Variants in MECOM observed in about 807,000 individuals in gnomAD.
MECOM encodes MDS1 and EVI1 complex locus.
Under a neutral mutation model 116.3 loss-of-function variants are expected in MECOM, and 13 were observed. That is an observed-to-expected ratio of 0.11 (90% CI 0.07 to 0.18). The LOEUF is 0.18. Ranked by LOEUF, MECOM falls within the 10% of genes least tolerant of loss-of-function variation. The probability of loss-of-function intolerance (pLI) is 1.00; values close to 1 mark genes in which losing one functional copy is unlikely to be tolerated. For synonymous variants in MECOM, 528 were observed against 535.2 expected (o/e 0.99, Z 0.19); for missense variants, 1,299 against 1,509.0 (o/e 0.86, Z 2.31).
At chr3:169,414,450 A>T (rs1309966347) in intron 1 of MECOM, among the ~76,000 whole-genome samples, 2 of 152,254 alleles carry the variant, frequency 1.3e-5, no homozygotes, top group African/African-American at 4.8e-5. Flanking sequence ...AAAGGCTGAT[A>T]ATTCCAAAAA....
chr3:169,502,767 A>G (rs1157937246), intron 1 of MECOM, among the ~76,000 whole-genome samples: 4 of 152,194 alleles, frequency 2.6e-5, no homozygotes, highest in Admixed American at 6.5e-5. Flanking sequence ...AGAATAATTT[A>G]ATTTTGGATA....
chr3:169,582,424 G>A (rs1576986273), intron 1 of MECOM, among the ~76,000 whole-genome samples: 1 of 151,876 alleles, frequency 6.6e-6, no homozygotes, highest in East Asian at 1.9e-4. Context: ...AGGGAGATGG[G>A]GAAAAACGGG....
chr3:169,270,537 T>C (rs929382464), intron 2 of MECOM, among the ~76,000 whole-genome samples: 1 of 152,116 alleles, frequency 6.6e-6, no homozygotes, highest in Non-Finnish European at 1.5e-5. Flanking sequence ...TGAAAACTGT[T>C]ATAACCCTTT....
At chr3:169,367,233 A>G (rs1729330968) in intron 2 of MECOM, among the ~76,000 whole-genome samples, 1 of 152,116 alleles carries the variant, frequency 6.6e-6, no homozygotes, top group East Asian at 1.9e-4. Flanking sequence ...TGAGATACTG[A>G]AAGACTAAGA....
At chr3:169,378,566 GA>G in intron 2 of MECOM, among the ~76,000 whole-genome samples, 1 of 136,532 alleles carries the variant, frequency 7.3e-6, no homozygotes, top group South Asian at 2.3e-4. Context: ...AAGAAAGAAA[GA>G]AAGAAAGAAA....
intron 1 of MECOM, among the ~76,000 whole-genome samples, chr3:169,497,010 T>C (rs1753891267): frequency 6.6e-6 from 1 of 152,218 alleles, no homozygotes; most frequent in Non-Finnish European, 1.5e-5. Flanking sequence ...TCTTCCCTCT[T>C]TATTGCTACC....
chr3:169,551,597 G>C (rs919509372), intron 1 of MECOM, among the ~76,000 whole-genome samples: 1 of 152,122 alleles, frequency 6.6e-6, no homozygotes, highest in Admixed American at 6.5e-5. Context: ...TTCAAATATT[G>C]TACCTTAAAT....
At chr3:169,478,488 T>C (rs9290367) in intron 1 of MECOM, among the ~76,000 whole-genome samples, 136,553 of 152,132 alleles carry the variant, frequency 0.9, 61,322 homozygotes, top group East Asian at 0.95. Context: ...CACCTCTGCC[T>C]TTGGCCAAGC....
intron 16 of MECOM, among the ~76,000 whole-genome samples, chr3:169,085,758 G>A (rs779124160): frequency 3.9e-5 from 6 of 152,118 alleles, no homozygotes; most frequent in Non-Finnish European, 8.8e-5. Flanking sequence ...GGTGCATGGA[G>A]GTGCTCTGTG....
intron 2 of MECOM, among the ~76,000 whole-genome samples, chr3:169,351,598 C>T (rs942955841): frequency 6.6e-6 from 1 of 151,810 alleles, no homozygotes; most frequent in Non-Finnish European, 1.5e-5. Flanking sequence ...AAGCTGATAA[C>T]GGTCATTTTT....
At chr3:169,404,446 G>C (rs1170187152) in intron 1 of MECOM, among the ~76,000 whole-genome samples, 2 of 152,122 alleles carry the variant, frequency 1.3e-5, no homozygotes, top group East Asian at 3.9e-4. Flanking sequence ...CAAAAAACAA[G>C]CTCAAAATAA....
At chr3:169,515,105 TCCCACCCAACA>T (rs1300010241) in intron 1 of MECOM, among the ~76,000 whole-genome samples, 11 of 151,972 alleles carry the variant, frequency 7.2e-5, no homozygotes, top group African/African-American at 2.7e-4. Context: ...CAAGCGGAGC[TCCCACCCAACA>T]GATCCAGCCT....
chr3:169,636,812 G>C (rs959217976), intron 1 of MECOM, among the ~76,000 whole-genome samples: 21 of 152,316 alleles, frequency 1.4e-4, no homozygotes, highest in African/African-American at 5.1e-4. Flanking sequence ...CTCCCACCAT[G>C]ATCTAGAGCA....
intron 9 of MECOM, 51 bp downstream of exon 9, chr3:169,112,736 G>A (rs1727835865): frequency 2.9e-6 from 4 of 1,385,974 alleles, no homozygotes; most frequent in African/African-American, 1.4e-5. Flanking sequence ...CTGCTTTTCA[G>A]GATCAACAAG....
intron 1 of MECOM, among the ~76,000 whole-genome samples, chr3:169,587,598 A>G (rs918353972): frequency 3.3e-5 from 5 of 152,110 alleles, no homozygotes; most frequent in Non-Finnish European, 7.4e-5. Context: ...ATATTGTTGG[A>G]TCTAATTTTT....
intron 1 of MECOM, among the ~76,000 whole-genome samples, chr3:169,515,846 G>A (rs1756553671): frequency 6.6e-6 from 1 of 152,122 alleles, no homozygotes; most frequent in African/African-American, 2.4e-5. Flanking sequence ...CATTCAACAT[G>A]TATTAACATT....
chr3:169,144,512 A>C (rs537046062), intron 2 of MECOM, among the ~76,000 whole-genome samples: 1 of 152,344 alleles, frequency 6.6e-6, no homozygotes, highest in Non-Finnish European at 1.5e-5. Flanking sequence ...CAAATAAAAA[A>C]TATATTAAAA....
At chr3:169,180,497 G>T (rs1252136752) in intron 2 of MECOM, among the ~76,000 whole-genome samples, 2 of 151,950 alleles carry the variant, frequency 1.3e-5, no homozygotes, top group Non-Finnish European at 2.9e-5. Context: ...GATAAGAAAT[G>T]ATTTCCTACT....
chr3:169,439,114 T>C, intron 1 of MECOM, among the ~76,000 whole-genome samples: 1 of 147,502 alleles, frequency 6.8e-6, no homozygotes, highest in African/African-American at 2.5e-5. Flanking sequence ...AATATTAATA[T>C]TATTAATATT....
Sources: gnomAD v4.1 joint callset for allele counts (sites outside exome capture counted in the v4.1 genomes callset) on GRCh38, gnomAD v4.1.1 for gene constraint, MANE v1.5 for transcripts, NCBI Gene and HGNC (gene_info 2026-07-23, HGNC 2026-07-21) for gene names.